The following ROBO2 variants were observed in gnomAD, a reference collection of about 807,000 sequenced individuals.
ROBO2 encodes the protein roundabout guidance receptor 2.
Under a neutral mutation model 160.8 loss-of-function variants are expected in ROBO2, and 53 were observed. The ratio of observed to expected loss-of-function variants is 0.33; its 90% CI spans 0.26 to 0.41. The LOEUF is 0.41. ROBO2 is among the 10% of genes least tolerant of loss of function. The probability of loss-of-function intolerance (pLI) is 1.00; values close to 1 mark genes in which losing one functional copy is unlikely to be tolerated. For missense variants in ROBO2, 1,577 were observed against 1,722.4 expected, an observed-to-expected ratio of 0.92 and a Z score of 1.49; for synonymous variants, 664 against 611.7, an observed-to-expected ratio of 1.09 and a Z score of -1.26.
intron 2 of ROBO2, among the ~76,000 whole-genome samples, chr3:76,004,997 A>C (rs2107583217): frequency 6.6e-6 from 1 of 152,336 alleles, no homozygotes; most frequent in Admixed American, 6.5e-5. Flanking sequence ...CCTTGTGAAC[A>C]GATTCAGCTG....
At chr3:76,224,592 C>A (rs1704169833) in intron 2 of ROBO2, among the ~76,000 whole-genome samples, 2 of 152,206 alleles carry the variant, frequency 1.3e-5, no homozygotes, top group Admixed American at 1.3e-4. Context: ...CAGACACATG[C>A]AGATATAATG....
chr3:76,727,446 T>A (rs2093569568), intron 2 of ROBO2, among the ~76,000 whole-genome samples: 2 of 152,200 alleles, frequency 1.3e-5, no homozygotes, highest in Admixed American at 1.3e-4. Context: ...TTGAGTAATG[T>A]GCTTTTATTT....
At chr3:77,395,184 T>A (rs1352614376) in intron 2 of ROBO2, among the ~76,000 whole-genome samples, 3 of 152,176 alleles carry the variant, frequency 2.0e-5, no homozygotes, top group Non-Finnish European at 4.4e-5. Flanking sequence ...TAGATTGATT[T>A]TAATGTAGTA....
chr3:76,223,293 C>T (rs1704086091), intron 2 of ROBO2, among the ~76,000 whole-genome samples: 1 of 151,806 alleles, frequency 6.6e-6, no homozygotes, highest in South Asian at 2.1e-4. Context: ...CCAACTGCCT[C>T]AGGAGAGGCC....
At chr3:77,143,264 G>A (rs1037540228) in intron 2 of ROBO2, among the ~76,000 whole-genome samples, 3 of 140,160 alleles carry the variant, frequency 2.1e-5, no homozygotes, top group African/African-American at 8.1e-5. Context: ...TGACAATCTT[G>A]GCTCGCTGCA....
chr3:75,915,911 G>A (rs979871776), intron 1 of ROBO2, among the ~76,000 whole-genome samples: 3 of 152,078 alleles, frequency 2.0e-5, no homozygotes, highest in Admixed American at 6.5e-5. Context: ...CTAAACTCAC[G>A]TTTTCTAAAT....
At chr3:76,734,192 A>AATTC (rs1158185233) in intron 2 of ROBO2, among the ~76,000 whole-genome samples, 1 of 152,200 alleles carries the variant, frequency 6.6e-6, no homozygotes. Flanking sequence ...GAATCTTTAG[A>AATTC]ATTCTACTAA....
intron 2 of ROBO2, among the ~76,000 whole-genome samples, chr3:76,971,489 G>A (rs1392986246): frequency 1.3e-5 from 2 of 151,990 alleles, no homozygotes; most frequent in East Asian, 3.9e-4. Flanking sequence ...GTCAGATGAT[G>A]TATTAAAACA....
chr3:77,603,360 A>G (rs933042052), intron 20 of ROBO2, among the ~76,000 whole-genome samples: 5 of 152,222 alleles, frequency 3.3e-5, no homozygotes, highest in African/African-American at 4.8e-5. Context: ...ATCATACATG[A>G]AAGTCAATTC....
intron 23 of ROBO2, chr3:77,632,479 AT>A: frequency 6.5e-7 from 1 of 1,530,616 alleles, no homozygotes; most frequent in Non-Finnish European, 8.7e-7. Context: ...TTTAGGTTCA[AT>A]GGTAAATGGA....
chr3:76,976,345 A>G (rs1429128261), intron 2 of ROBO2, among the ~76,000 whole-genome samples: 1 of 152,216 alleles, frequency 6.6e-6, no homozygotes, highest in Non-Finnish European at 1.5e-5. Context: ...CAGACTGAAT[A>G]ACATTTTCAC....
chr3:76,842,072 C>G (rs2068330109), intron 2 of ROBO2, among the ~76,000 whole-genome samples: 1 of 152,174 alleles, frequency 6.6e-6, no homozygotes, highest in Non-Finnish European at 1.5e-5. Flanking sequence ...CCATAAAAGG[C>G]AGGTTGCTTA....
At chr3:77,135,042 T>C (rs1490169049) in intron 2 of ROBO2, among the ~76,000 whole-genome samples, 1 of 152,174 alleles carries the variant, frequency 6.6e-6, no homozygotes, top group Non-Finnish European at 1.5e-5. Flanking sequence ...GCAGTTGGTA[T>C]CAGTGCTTTG....
In ROBO2 at chr3:77,574,480, C is replaced by T; in HGVS notation, c.1972-19C>T. On this transcript the variant is annotated intron_variant, in intron 13 of 25. Coordinates refer to ENST00000461745, the Ensembl canonical transcript of ROBO2. ...AATACTTTCCTTTAGTTTCAAATGC[C>T]CTTAACTATGTTTTTCAGGTTGATC... 2 of 1,598,398 alleles carry T rather than the reference C, an allele frequency of 1.3e-6. No individual in the cohort carries two copies. The highest frequency in any genetic ancestry group is 1.7e-6 in the Non-Finnish European group (2 of 1,166,200).
intron 2 of ROBO2, among the ~76,000 whole-genome samples, chr3:76,880,560 G>A (rs939792401): frequency 2.6e-5 from 4 of 152,076 alleles, no homozygotes; most frequent in Non-Finnish European, 5.9e-5. Flanking sequence ...AGACATGTTA[G>A]TATGGTTTTT....
chr3:76,610,389 C>T (rs1309977467), intron 2 of ROBO2, among the ~76,000 whole-genome samples: 1 of 152,188 alleles, frequency 6.6e-6, no homozygotes, highest in Admixed American at 6.5e-5. Context: ...CTCAGCAGCT[C>T]CGTGCTCAGC....
chr3:77,158,276 G>A (rs901115739), intron 2 of ROBO2, among the ~76,000 whole-genome samples: 6 of 152,088 alleles, frequency 3.9e-5, no homozygotes, highest in African/African-American at 9.7e-5. Context: ...CAGTGAGTAC[G>A]TTGGTCAATA....
chr3:77,410,638 GCTCCTCTTTCTCCTCCTCTTCTTCCTC>G (rs2076677262), intron 2 of ROBO2, among the ~76,000 whole-genome samples: 3 of 18,504 alleles, frequency 1.6e-4, no homozygotes, highest in African/African-American at 5.2e-4. Context: ...TCTTCCTCCT[GCTCCTCTTTCTCCTCCTCTTCTTCCTC>G]CTCCTCTTCC....
At chr3:76,569,061 T>C (rs1472133737) in intron 2 of ROBO2, among the ~76,000 whole-genome samples, 2 of 152,178 alleles carry the variant, frequency 1.3e-5, no homozygotes, top group Non-Finnish European at 2.9e-5. Flanking sequence ...TCTGTATGTA[T>C]TATGGGCCTT....
Sources: allele counts gnomAD v4.1 joint callset (sites outside exome capture counted in the v4.1 genomes callset), GRCh38; gene constraint gnomAD v4.1.1; transcripts MANE v1.5; gene names NCBI Gene and HGNC (gene_info 2026-07-23, HGNC 2026-07-21).